The following ASCC3 variants were observed in gnomAD, a reference collection of about 807,000 sequenced individuals.
ASCC3 encodes activating signal cointegrator 1 complex subunit 3, also known as ASC-1 complex subunit P200.
ASCC3 carries 158 observed loss-of-function variants against 256.3 expected under a neutral mutation model. The ratio of observed to expected loss-of-function variants is 0.62; its 90% CI spans 0.54 to 0.70. The LOEUF (loss-of-function observed/expected upper bound fraction) is 0.70. ASCC3 is among the 30% of genes least tolerant of loss of function. The pLI, the probability that ASCC3 is intolerant of heterozygous loss-of-function variation, is 0.00. For synonymous variants in ASCC3, 948 were observed against 883.4 expected (o/e 1.07, Z -1.30); for missense variants, 2,259 against 2,626.0 (o/e 0.86, Z 3.05).
At chr6:100,710,169 T>C (rs1778797425) in intron 13 of ASCC3, among the ~76,000 whole-genome samples, 1 of 152,200 alleles carries the variant, frequency 6.6e-6, no homozygotes, top group South Asian at 2.1e-4. Context: ...AATCATACTT[T>C]ACACAATTAC....
At chr6:100,735,709 A>C (rs1215033770) in intron 10 of ASCC3, among the ~76,000 whole-genome samples, 1 of 152,182 alleles carries the variant, frequency 6.6e-6, no homozygotes. Context: ...GGTTCTTCTG[A>C]AGACAATAAG....
chr6:100,606,139 C>T (rs983220173), intron 32 of ASCC3, among the ~76,000 whole-genome samples: 11 of 151,892 alleles, frequency 7.2e-5, no homozygotes, highest in Admixed American at 3.3e-4. Context: ...CCCTGCACCC[C>T]GGTATAAAAT....
chr6:100,833,841 A>G (rs970015793), intron 4 of ASCC3, among the ~76,000 whole-genome samples: 1 of 152,074 alleles, frequency 6.6e-6, no homozygotes, highest in South Asian at 2.1e-4. Context: ...ACTTTGGTAG[A>G]CCCAGGAGGG....
chr6:100,605,422 CATA>C, intron 33 of ASCC3, 143 bp downstream of exon 33: 1 of 662,786 alleles, frequency 1.5e-6, no homozygotes, highest in Admixed American at 3.0e-5. Context: ...TGAATATTGT[CATA>C]AAGTGATAAT....
At chr6:100,875,561 C>T (rs1418374826) in intron 1 of ASCC3, among the ~76,000 whole-genome samples, 1 of 152,122 alleles carries the variant, frequency 6.6e-6, no homozygotes, top group Non-Finnish European at 1.5e-5. Context: ...ATATAAACAA[C>T]ATTTTGTACT....
intron 33 of ASCC3, among the ~76,000 whole-genome samples, chr6:100,602,451 A>G (rs1772669066): frequency 6.6e-6 from 1 of 151,886 alleles, no homozygotes. Flanking sequence ...TGTAAAATAA[A>G]TACAAGCTGA....
chr6:100,787,663 T>C (rs1274433721), intron 8 of ASCC3, among the ~76,000 whole-genome samples: 2 of 152,136 alleles, frequency 1.3e-5, no homozygotes, highest in African/African-American at 2.4e-5. Context: ...TAAGCTCACC[T>C]GTATGTATAT....
At chr6:100,793,514 T>A (rs1562300419) in intron 8 of ASCC3, among the ~76,000 whole-genome samples, 1 of 152,008 alleles carries the variant, frequency 6.6e-6, no homozygotes, top group Non-Finnish European at 1.5e-5. Flanking sequence ...CAAGAAATAT[T>A]AACAAATTAT....
intron 17 of ASCC3, among the ~76,000 whole-genome samples, chr6:100,653,934 T>TA (rs1231182569): frequency 1.3e-5 from 2 of 151,632 alleles, no homozygotes; most frequent in African/African-American, 4.8e-5. Context: ...GTAGGGGGAG[T>TA]ATTAAAACAA....
chr6:100,656,809 A>G (rs1335586316), intron 16 of ASCC3, among the ~76,000 whole-genome samples: 1 of 151,080 alleles, frequency 6.6e-6, no homozygotes, highest in African/African-American at 2.4e-5. Context: ...TTAAAAATTT[A>G]CCCACGTTGT....
At chr6:100,838,692 T>C (rs1275466014) in intron 4 of ASCC3, among the ~76,000 whole-genome samples, 1 of 152,078 alleles carries the variant, frequency 6.6e-6, no homozygotes, top group Admixed American at 6.6e-5. Context: ...ATTAGCTGCA[T>C]AGTAAATAAG....
intron 37 of ASCC3, among the ~76,000 whole-genome samples, chr6:100,525,225 G>A (rs973168966): frequency 6.8e-6 from 1 of 147,292 alleles, no homozygotes; most frequent in South Asian, 2.2e-4. Context: ...ATAAGATCAT[G>A]ACAAAGGTTG....
chr6:100,572,703 A>G (rs1397515289), intron 36 of ASCC3, among the ~76,000 whole-genome samples: 4 of 152,312 alleles, frequency 2.6e-5, no homozygotes, highest in African/African-American at 9.6e-5. Flanking sequence ...TAAATAATTT[A>G]CAAAAATTTT....
intron 8 of ASCC3, among the ~76,000 whole-genome samples, chr6:100,797,036 C>A (rs549785817): frequency 2.0e-5 from 3 of 151,880 alleles, no homozygotes; most frequent in Admixed American, 2.0e-4. Context: ...TCTTTTACTC[C>A]AAGAATCCAA....
chr6:100,540,063 A>T, intron 37 of ASCC3, 100 bp downstream of exon 37: 1 of 1,063,752 alleles, frequency 9.4e-7, no homozygotes, highest in Non-Finnish European at 1.4e-6. Context: ...ATGCTACCAT[A>T]AAGTTGTTAA....
intron 37 of ASCC3, among the ~76,000 whole-genome samples, chr6:100,526,043 G>C (rs929214729): frequency 6.6e-6 from 1 of 152,080 alleles, no homozygotes; most frequent in Non-Finnish European, 1.5e-5. Context: ...AATGCTATAA[G>C]TACATTTATA....
chr6:100,832,443 A>G (rs1372255106), intron 4 of ASCC3, among the ~76,000 whole-genome samples: 1 of 152,130 alleles, frequency 6.6e-6, no homozygotes, highest in African/African-American at 2.4e-5. Flanking sequence ...CTCTAAAAGA[A>G]TTCTTAATGA....
At chr6:100,518,333 T>C (rs922887333) in intron 37 of ASCC3, among the ~76,000 whole-genome samples, 191 bp from the exon 38 acceptor site, 3 of 152,168 alleles carry the variant, frequency 2.0e-5, no homozygotes, top group African/African-American at 4.8e-5. Context: ...TCATAGCATT[T>C]ACTGTACATT....
At chr6:100,628,924 TATA>T in intron 27 of ASCC3, 88 bp downstream of exon 27, 1 of 1,177,822 alleles carries the variant, frequency 8.5e-7, no homozygotes, top group African/African-American at 1.5e-5. Context: ...TAGAAATATA[TATA>T]AATATTACAT....
Sources: gnomAD v4.1 joint callset for allele counts (sites outside exome capture counted in the v4.1 genomes callset) on GRCh38, gnomAD v4.1.1 for gene constraint, MANE v1.5 for transcripts, NCBI Gene and HGNC (gene_info 2026-07-23, HGNC 2026-07-21) for gene names.